The following ADCY10 variants were observed in gnomAD, a reference collection of about 807,000 sequenced individuals.
The protein encoded by ADCY10 is adenylate cyclase 10.
ADCY10 carries 156 observed loss-of-function variants against 183.3 expected under a neutral mutation model. The observed-to-expected ratio is 0.85, with a 90% CI of 0.75 to 0.97. ADCY10 has a LOEUF of 0.97. Among genes scored for constraint, ADCY10 ranks in the 50% least tolerant of loss-of-function variants. The pLI is 0.00. For synonymous variants in ADCY10, 645 were observed against 670.0 expected, an observed-to-expected ratio of 0.96 and a Z score of 0.58; for missense variants, 1,745 against 1,934.3, an observed-to-expected ratio of 0.90 and a Z score of 1.84.
intron 14 of ADCY10, 63 bp downstream of exon 14, chr1:167,870,194 G>A (rs1553272889): frequency 6.4e-7 from 1 of 1,572,986 alleles, no homozygotes; most frequent in South Asian, 1.1e-5. Flanking sequence ...AGGAAGGAGA[G>A]GAGCATCAAA....
chr1:167,854,536 T>C (rs778975333), intron 17 of ADCY10, 47 bp from the exon 18 acceptor site: 24 of 1,608,414 alleles, frequency 1.5e-5, no homozygotes, highest in Non-Finnish European at 2.0e-5. Flanking sequence ...ATACATCTTT[T>C]AGGAAGGAAA....
rs761663650 is a variant in ADCY10 at position 167,902,006 on chromosome 1, G to GC, written c.292+9dup. ...TTTCTTACCCCTTCTATCTTAGTAA[G>GC]CCCCCATACCTGCAAATTTCAGGAT... On this transcript the variant is annotated intron_variant, in intron 4 of 32. Transcript: ENST00000367851. 6.2e-7 allele frequency: 1 copy of GC among 1,612,062 alleles called. No individual in the cohort carries two copies. The highest frequency in any genetic ancestry group is 1.3e-5 in the African/African-American group (1 of 74,142).
intron 8 of ADCY10, among the ~76,000 whole-genome samples, chr1:167,889,511 T>C (rs910266249): frequency 2.6e-5 from 4 of 151,682 alleles, no homozygotes; most frequent in African/African-American, 7.3e-5. Flanking sequence ...TCAATATTCA[T>C]CAGAGATACT....
At chr1:167,857,613 T>C (rs3767458) in intron 16 of ADCY10, among the ~76,000 whole-genome samples, 66,649 of 152,024 alleles carry the variant, frequency 0.44, 14,887 homozygotes, top group East Asian at 0.66. Context: ...TGGGTTCTTT[T>C]TAAAGTGAAA....
chr1:167,913,476 G>A (rs951588490), intron 1 of ADCY10, among the ~76,000 whole-genome samples: 3 of 152,112 alleles, frequency 2.0e-5, no homozygotes, highest in Admixed American at 6.5e-5. Context: ...CTCTAGCCAT[G>A]GTAATTTTTC....
chr1:167,822,862 C>T, intron 29 of ADCY10, 146 bp downstream of exon 29: 3 of 743,970 alleles, frequency 4.0e-6, no homozygotes, highest in Non-Finnish European at 7.2e-6. Flanking sequence ...CTTCAGCTCA[C>T]ACAACCAGCC....
intron 18 of ADCY10, among the ~76,000 whole-genome samples, chr1:167,850,050 T>C (rs1665349565): frequency 6.6e-6 from 1 of 152,086 alleles, no homozygotes; most frequent in South Asian, 2.1e-4. Context: ...GGTCACAGAT[T>C]TCTGAAGAGG....
intron 13 of ADCY10, among the ~76,000 whole-genome samples, chr1:167,871,109 A>T (rs926424955): frequency 6.6e-6 from 1 of 152,130 alleles, no homozygotes; most frequent in Non-Finnish European, 1.5e-5. Flanking sequence ...TCAACACACT[A>T]GAAGTAATAT....
chr1:167,863,658 A>G (rs1666453049), intron 14 of ADCY10, among the ~76,000 whole-genome samples: 1 of 152,220 alleles, frequency 6.6e-6, no homozygotes, highest in African/African-American at 2.4e-5. Flanking sequence ...CCTGTGGAAC[A>G]TCCCTGCTGG....
At chr1:167,815,721 A>T (rs915186188) in intron 31 of ADCY10, among the ~76,000 whole-genome samples, 3 of 152,254 alleles carry the variant, frequency 2.0e-5, no homozygotes, top group African/African-American at 7.2e-5. Context: ...TGTTGAAATT[A>T]TCAGACTGGG....
rs1376469171 is a variant in ADCY10, at chr1:167,874,514, C to T, written c.1462+617G>A. On this transcript the variant is annotated intron_variant, in intron 13 of 32. Coordinates refer to ENST00000367851, the MANE Select transcript of ADCY10 (RefSeq NM_018417.6). Reference sequence around the variant, plus strand: ...CCAAAGATGAAGAACAACTGGAACTCTCTTAACATTCTCAGTCAGAATATA... The same window carrying T: ...CCAAAGATGAAGAACAACTGGAACTTTCTTAACATTCTCAGTCAGAATATA... Among the ~76,000 whole-genome samples the T allele has an allele frequency of 2.6e-5, 4 of 152,228 alleles. No individual in the cohort carries two copies. The East Asian group carries it at 7.7e-4, about 29-fold the overall frequency.
chr1:167,889,323 T>G (rs1490953260), intron 8 of ADCY10, among the ~76,000 whole-genome samples: 2 of 152,214 alleles, frequency 1.3e-5, no homozygotes, highest in Non-Finnish European at 2.9e-5. Context: ...CAGCATCAAC[T>G]GAAATGATAA....
chr1:167,819,109 A>G (rs1662709488), intron 30 of ADCY10, among the ~76,000 whole-genome samples: 1 of 152,016 alleles, frequency 6.6e-6, no homozygotes, highest in South Asian at 2.1e-4. Flanking sequence ...TTAACCCTTC[A>G]AAGTAATTAA....
At position 167,836,550 on chromosome 1, in the gene ADCY10, T is replaced by C. The variant is rs776613276; in HGVS notation, c.3078-10A>G. ...TCTTATTTCTTCAGGACTGTCCATA[T>C]GCAGAAATAAATAATAGTAACTTAT... On this transcript the variant is annotated splice_polypyrimidine_tract_variant and intron_variant, in intron 22 of 32. Coordinates refer to ENST00000367851, the MANE Select transcript of ADCY10 (RefSeq NM_018417.6). The C allele has an allele frequency of 6.5e-7, 1 of 1,532,672 alleles. No individual in the cohort carries two copies. Among genetic ancestry groups the C allele is most frequent in the South Asian group, 1.1e-5 (1 of 89,258 alleles). 94.9% of individuals were successfully genotyped at this position (1,532,672 alleles called of 1,614,324 possible).
At chr1:167,854,325 A>G in intron 18 of ADCY10, 28 bp downstream of exon 18, 7 of 1,614,078 alleles carry the variant, frequency 4.3e-6, no homozygotes, top group Non-Finnish European at 5.9e-6. Context: ...AGAACAGAGT[A>G]AGAAAGAACC....
At chr1:167,861,804 G>C (rs1666306661) in intron 14 of ADCY10, among the ~76,000 whole-genome samples, 1 of 152,114 alleles carries the variant, frequency 6.6e-6, no homozygotes, top group Admixed American at 6.6e-5. Context: ...CGAGTGTCAG[G>C]GGAGAGACCT....
At position 167,850,414 on chromosome 1, in the gene ADCY10, G is replaced by T. The variant is rs1013219471; in HGVS notation, c.2309-1925C>A. 2.5e-4 allele frequency among the ~76,000 whole-genome samples: 38 copies of T among 152,130 alleles called. 1 individual carries two copies. The highest frequency in any genetic ancestry group is 9.2e-4 in the African/African-American group (38 of 41,420). On this transcript the variant is annotated intron_variant, in intron 18 of 32. Transcript: ENST00000367851. ...GAAATATGGGTGTGGAATTAAGGGTGAGGTTAGGGTTCGACACACACGAAG... is the reference window on the plus strand; with the variant it reads ...GAAATATGGGTGTGGAATTAAGGGTTAGGTTAGGGTTCGACACACACGAAG...
rs1186683204 is a variant in ADCY10 at position 167,809,798 on chromosome 1, C to G, written c.4713G>C (p.Trp1571Cys). The change falls in exon 33 of 33, where the codon TGG becomes TGC. Residue 1571 changes from tryptophan (W) to cysteine (C), a missense_variant. Coordinates refer to ENST00000367851, the MANE Select transcript of ADCY10 (RefSeq NM_018417.6). ...ATGGGAGACTCAAGATCGTCTGAAG[C>G]CATTGGTCTTCTTTTAACTCAGAGG... Reference protein sequence around the residue: ...YSTSELKEDQWLQTILSLPSW... With the variant: ...YSTSELKEDQCLQTILSLPSW... 2 of 1,614,012 alleles carry G rather than the reference C, an allele frequency of 1.2e-6. No individual in the cohort carries two copies. Among genetic ancestry groups the G allele is most frequent in the Admixed American group, 3.3e-5 (2 of 60,008 alleles).
chr1:167,862,220 A>G (rs1024997590), intron 14 of ADCY10, among the ~76,000 whole-genome samples: 21 of 152,222 alleles, frequency 1.4e-4, no homozygotes, highest in Non-Finnish European at 5.9e-5. Context: ...TTAAATTCTT[A>G]GCCTCTAGGG....
Sources: allele counts gnomAD v4.1 joint callset (sites outside exome capture counted in the v4.1 genomes callset), GRCh38; gene constraint gnomAD v4.1.1; transcripts MANE v1.5; gene names NCBI Gene and HGNC (gene_info 2026-07-23, HGNC 2026-07-21).